The following ANKRD30B variants were observed in gnomAD, a reference collection of about 807,000 sequenced individuals.
The protein encoded by ANKRD30B is ankyrin repeat domain-containing protein 30B.
In ANKRD30B, 144 loss-of-function variants were observed where a neutral mutation model predicts 202.2. That is an observed-to-expected ratio of 0.71 (90% CI 0.62 to 0.82). ANKRD30B has a LOEUF of 0.82. ANKRD30B is among the 40% of genes least tolerant of loss of function. ANKRD30B has a pLI of 0.00. For synonymous variants in ANKRD30B, 508 were observed against 561.3 expected, an observed-to-expected ratio of 0.91 and a Z score of 1.34; for missense variants, 1,487 against 1,669.1, an observed-to-expected ratio of 0.89 and a Z score of 1.90.
chr18:14,867,454 A>T, the ANKRD30B span, among the ~76,000 whole-genome samples: 1 of 151,996 alleles, frequency 6.6e-6, no homozygotes, highest in Non-Finnish European at 1.5e-5. Flanking sequence ...GAGGGTGAAC[A>T]ACTTCTGCTC....
At chr18:14,904,663 CTG>C in the ANKRD30B span, among the ~76,000 whole-genome samples, 3 of 152,152 alleles carry the variant, frequency 2.0e-5, no homozygotes, top group African/African-American at 4.8e-5. Context: ...AAGCCAAACT[CTG>C]TAAAATATTT....
the ANKRD30B span, among the ~76,000 whole-genome samples, chr18:14,926,631 T>C: frequency 5.3e-5 from 8 of 152,232 alleles, no homozygotes; most frequent in Non-Finnish European, 1.0e-4. Flanking sequence ...TAACATTTTA[T>C]ATTTGTTACA....
At chr18:14,821,735 G>A (rs1195792197) in intron 30 of ANKRD30B, among the ~76,000 whole-genome samples, 1 of 152,178 alleles carries the variant, frequency 6.6e-6, no homozygotes, top group African/African-American at 2.4e-5. Flanking sequence ...TGGAGTTACA[G>A]GCATGAGCCA....
intron 4 of ANKRD30B, among the ~76,000 whole-genome samples, chr18:14,755,459 T>C (rs1914188532): frequency 6.6e-6 from 1 of 152,182 alleles, no homozygotes; most frequent in African/African-American, 2.4e-5. Context: ...GCAGGTTTGT[T>C]ACATATGTAT....
At chr18:14,785,450 A>G (rs1968019947) in intron 14 of ANKRD30B, among the ~76,000 whole-genome samples, 2 of 152,216 alleles carry the variant, frequency 1.3e-5, no homozygotes, top group Non-Finnish European at 2.9e-5. Flanking sequence ...TTTTATGCTG[A>G]TAAGTAATAA....
chr18:14,816,090 T>C (rs1006319199), intron 30 of ANKRD30B: 1 of 152,198 alleles, frequency 6.6e-6, no homozygotes, highest in Non-Finnish European at 1.5e-5. Context: ...TGAATATTTG[T>C]AATGTAATGA....
At chr18:14,773,705 G>T (rs1248091423) in intron 9 of ANKRD30B, among the ~76,000 whole-genome samples, 2 of 151,178 alleles carry the variant, frequency 1.3e-5, no homozygotes, top group Middle Eastern at 3.4e-3. Flanking sequence ...ATGCAGGCTG[G>T]AATGCAGTGG....
At chr18:14,825,679 T>C (rs1222884624) in intron 32 of ANKRD30B, among the ~76,000 whole-genome samples, 1 of 152,122 alleles carries the variant, frequency 6.6e-6, no homozygotes, top group Non-Finnish European at 1.5e-5. Flanking sequence ...TATAATTTTT[T>C]TAACCACTTT....
At chr18:14,809,116 C>T (rs1369514883) in intron 26 of ANKRD30B, among the ~76,000 whole-genome samples, 19 of 125,506 alleles carry the variant, frequency 1.5e-4, no homozygotes, top group African/African-American at 6.0e-4. Flanking sequence ...TAGATATACC[C>T]GCATTTACTA....
At chr18:14,777,589 C>T (rs1257641154) in intron 9 of ANKRD30B, among the ~76,000 whole-genome samples, 1 of 151,800 alleles carries the variant, frequency 6.6e-6, no homozygotes, top group African/African-American at 2.4e-5. Flanking sequence ...AACCACTGCA[C>T]CTGGCCCCAT....
chr18:14,845,477 A>T (rs1421706725), intron 39 of ANKRD30B, among the ~76,000 whole-genome samples: 3 of 151,760 alleles, frequency 2.0e-5, no homozygotes, highest in African/African-American at 7.2e-5. Context: ...ATTACCTTGT[A>T]TTTTTAAGTA....
chr18:14,891,981 A>C, the ANKRD30B span, among the ~76,000 whole-genome samples: 1 of 152,226 alleles, frequency 6.6e-6, no homozygotes, highest in Non-Finnish European at 1.5e-5. Context: ...GTGCAAAAGT[A>C]ATTGTGGCTT....
In ANKRD30B at chr18:14,799,087, C is replaced by T; in HGVS notation, c.2030-14C>T. ...CTTGCATATAATCAATTATATATGT[C>T]CCTTTTCTTTTAGAGTCTCCTGATA... On this transcript the variant is annotated splice_polypyrimidine_tract_variant and intron_variant, in intron 20 of 43. Transcript: ENST00000690538. The T allele has an allele frequency of 6.4e-7, 1 of 1,565,898 alleles. No individual in the cohort carries two copies. Among genetic ancestry groups the T allele is most frequent in the Non-Finnish European group, 8.8e-7 (1 of 1,138,486 alleles).
At chr18:14,887,509 T>A in the ANKRD30B span, among the ~76,000 whole-genome samples, 1 of 152,082 alleles carries the variant, frequency 6.6e-6, no homozygotes, top group African/African-American at 2.4e-5. Flanking sequence ...GAATATGTGG[T>A]GAAAGATTTT....
At chr18:14,756,108 A>C (rs1212520410) in intron 4 of ANKRD30B, among the ~76,000 whole-genome samples, 2 of 152,138 alleles carry the variant, frequency 1.3e-5, no homozygotes, top group African/African-American at 4.8e-5. Context: ...AACTAGTGTG[A>C]GATGGTATCT....
At position 14,760,612 on chromosome 18, in the gene ANKRD30B, AATCCAGG is replaced by A; in HGVS notation, c.815_820+1del. ...ATTACCTAAAAATCCTCAAAATACCAATCCAGGTAAGACTTCGGATAGCAAACTACTC... is the reference window on the plus strand; with the variant it reads ...ATTACCTAAAAATCCTCAAAATACCATAAGACTTCGGATAGCAAACTACTC... On this transcript the variant is annotated splice_donor_variant and coding_sequence_variant, in exon 6 of 44. Coordinates refer to ENST00000690538, the MANE Select transcript of ANKRD30B (RefSeq NM_001367607.2). LOFTEE classifies it high-confidence loss of function. 6.5e-7 allele frequency: 1 copy of A among 1,535,924 alleles called. No individual in the cohort carries two copies. The highest frequency in any genetic ancestry group is 1.2e-5 in the South Asian group (1 of 81,576).
intron 8 of ANKRD30B, among the ~76,000 whole-genome samples, chr18:14,771,730 G>T (rs1294482659): frequency 6.6e-6 from 1 of 152,106 alleles, no homozygotes; most frequent in Admixed American, 6.5e-5. Context: ...AAGGGACAAG[G>T]TAACTGTATC....
rs1048237226 is a variant in ANKRD30B at position 14,814,509 on chromosome 18, C to G, written c.2551-112C>G. The G allele has an allele frequency of 1.5e-4, 68 of 452,376 alleles. 12 individuals carry two copies. The Admixed American group carries it at 1.8e-3, about 12-fold the overall frequency. 28.0% of individuals were successfully genotyped at this position (452,376 alleles called of 1,614,324 possible). A position where few individuals can be genotyped will look rare whatever the true frequency, so the allele number is the denominator to read the frequency against. On this transcript the variant is annotated intron_variant, in intron 29 of 43. Transcript: ENST00000690538. ...ACATGTCTGCTCTTAAGTCGAATTC[C>G]TTATAAAGTAGGAAACTGTGTTTTT... is the stretch of plus-strand genomic sequence containing the variant.
At chr18:14,865,499 T>A in the ANKRD30B span, among the ~76,000 whole-genome samples, 1 of 151,146 alleles carries the variant, frequency 6.6e-6, no homozygotes, top group Non-Finnish European at 1.5e-5. Context: ...CGTTCCCCAC[T>A]CACGACCCTC....
Sources: allele counts gnomAD v4.1 joint callset (sites outside exome capture counted in the v4.1 genomes callset), GRCh38; gene constraint gnomAD v4.1.1; transcripts MANE v1.5; gene names NCBI Gene and HGNC (gene_info 2026-07-23, HGNC 2026-07-21).